The following FAM227B variants were observed in gnomAD, a reference collection of about 807,000 sequenced individuals.
The protein encoded by FAM227B is protein FAM227B.
In FAM227B, 88 loss-of-function variants were observed where a neutral mutation model predicts 73.8. The ratio of observed to expected loss-of-function variants is 1.19; its 90% CI spans 1.00 to 1.42. The LOEUF (loss-of-function observed/expected upper bound fraction) is 1.42, where lower values mean the gene tolerates loss of function less well. FAM227B is among the 40% of genes most tolerant of loss of function. The pLI is 0.00. For missense variants in FAM227B, 632 were observed against 590.9 expected (o/e 1.07, Z -0.72); for synonymous variants, 210 against 190.5 (o/e 1.10, Z -0.84).
At chr15:49,608,990 G>A (rs72731108) in intron 3 of FAM227B, among the ~76,000 whole-genome samples, 8,398 of 151,892 alleles carry the variant, frequency 0.055, 332 homozygotes, top group East Asian at 0.13. Context: ...ACAAAAAGGG[G>A]GAAGATAATG....
At chr15:49,430,715 T>C (rs565432541) in intron 11 of FAM227B, among the ~76,000 whole-genome samples, 2 of 151,858 alleles carry the variant, frequency 1.3e-5, no homozygotes, top group South Asian at 4.2e-4. Flanking sequence ...GCTGAAATCA[T>C]TTTTTCTAAC....
intron 11 of FAM227B, among the ~76,000 whole-genome samples, chr15:49,397,212 G>T (rs2047744549): frequency 6.6e-6 from 1 of 152,178 alleles, no homozygotes; most frequent in Non-Finnish European, 1.5e-5. Context: ...AGAAGCCTCA[G>T]GAGCCGACGC....
chr15:49,339,304 G>A (rs1387106185), intron 13 of FAM227B, among the ~76,000 whole-genome samples: 1 of 152,148 alleles, frequency 6.6e-6, no homozygotes, highest in Non-Finnish European at 1.5e-5. Context: ...GTGACCTTTG[G>A]ATGGGGTCTC....
At chr15:49,515,319 A>G (rs558914803) in intron 10 of FAM227B, among the ~76,000 whole-genome samples, 35 of 152,218 alleles carry the variant, frequency 2.3e-4, no homozygotes, top group Admixed American at 8.5e-4. Flanking sequence ...ATCCTCTTAG[A>G]GTTTTCAATG....
At chr15:49,502,367 C>G (rs553386346) in intron 11 of FAM227B, among the ~76,000 whole-genome samples, 2 of 152,328 alleles carry the variant, frequency 1.3e-5, no homozygotes, top group African/African-American at 4.8e-5. Flanking sequence ...TGAAGCTGCC[C>G]AAGGCCTTTG....
chr15:49,539,455 G>A (rs953312375), intron 10 of FAM227B, among the ~76,000 whole-genome samples: 4 of 152,220 alleles, frequency 2.6e-5, no homozygotes, highest in Non-Finnish European at 4.4e-5. Flanking sequence ...CATGGTGCCA[G>A]GATTTGGAGT....
At chr15:49,454,900 G>A (rs1018467284) in intron 11 of FAM227B, among the ~76,000 whole-genome samples, 4 of 152,004 alleles carry the variant, frequency 2.6e-5, no homozygotes, top group African/African-American at 9.7e-5. Context: ...TGAGCCACTG[G>A]ACCCAGCCAT....
At chr15:49,382,330 C>A (rs1414042263) in intron 11 of FAM227B, among the ~76,000 whole-genome samples, 3 of 151,906 alleles carry the variant, frequency 2.0e-5, no homozygotes, top group African/African-American at 7.3e-5. Flanking sequence ...TAGTTTCAAG[C>A]AAATATTAAT....
intron 11 of FAM227B, among the ~76,000 whole-genome samples, chr15:49,498,144 C>G (rs183113931): frequency 1.3e-5 from 2 of 152,210 alleles, no homozygotes; most frequent in Non-Finnish European, 2.9e-5. Context: ...TAATTTTAAG[C>G]CTTAATTTAA....
chr15:49,396,008 T>C (rs773715158), intron 11 of FAM227B: 6 of 455,588 alleles, frequency 1.3e-5, no homozygotes, highest in Admixed American at 7.1e-5. Flanking sequence ...GATGGCCAAA[T>C]AGGAACAGCT....
At chr15:49,358,487 A>G (rs2151378765) in intron 13 of FAM227B, among the ~76,000 whole-genome samples, 1 of 145,566 alleles carries the variant, frequency 6.9e-6, no homozygotes, top group South Asian at 2.3e-4. Flanking sequence ...CCCATTCACA[A>G]TTGCTTCAAA....
At chr15:49,585,015 C>G (rs1466570916) in intron 5 of FAM227B, among the ~76,000 whole-genome samples, 1 of 152,082 alleles carries the variant, frequency 6.6e-6, no homozygotes, top group African/African-American at 2.4e-5. Flanking sequence ...ACAACCCCAT[C>G]AAAAAGTGGG....
At chr15:49,378,330 T>C (rs2151507975) in intron 11 of FAM227B, among the ~76,000 whole-genome samples, 1 of 152,208 alleles carries the variant, frequency 6.6e-6, no homozygotes, top group East Asian at 1.9e-4. Flanking sequence ...TTTTTCTATT[T>C]CTGTAAAGAA....
At position 49,426,065 on chromosome 15, in the gene FAM227B, GGATAATAAAA is replaced by G. The variant is rs201690038; in HGVS notation, c.1013-54676_1013-54667del. Among the ~76,000 whole-genome samples, 429 of 151,338 alleles carry G rather than the reference GGATAATAAAA, an allele frequency of 2.8e-3. 7 individuals carry two copies. In the East Asian group the frequency reaches 0.032, roughly 11 times the overall value. ...TAATATATATCAATAATAATATCAT[GGATAATAAAA>G]CCTGGTGGAGACGACAGAGCCTAGG... On this transcript the variant is annotated intron_variant, in intron 11 of 15. Transcript: ENST00000299338.
At chr15:49,508,160 A>G in intron 11 of FAM227B, 51 bp downstream of exon 11, 2 of 1,550,510 alleles carry the variant, frequency 1.3e-6, no homozygotes, top group Non-Finnish European at 1.7e-6. Context: ...AAATAAATTA[A>G]TTGATTTTTG....
intron 11 of FAM227B, among the ~76,000 whole-genome samples, chr15:49,494,289 A>ACC (rs1567396316): frequency 6.9e-6 from 1 of 144,372 alleles, no homozygotes; most frequent in Non-Finnish European, 1.6e-5. Flanking sequence ...ACACACACAC[A>ACC]CCCTAAACAT....
intron 10 of FAM227B, among the ~76,000 whole-genome samples, chr15:49,508,599 G>C (rs961085023): frequency 3.3e-5 from 5 of 151,882 alleles, no homozygotes; most frequent in Non-Finnish European, 4.4e-5. Context: ...AAATGGGAAA[G>C]TATGACACAA....
chr15:49,570,738 C>T (rs1052491363), intron 8 of FAM227B, among the ~76,000 whole-genome samples: 4 of 150,392 alleles, frequency 2.7e-5, no homozygotes. Context: ...CTGTGACTGG[C>T]TTATTTCAGT....
At chr15:49,342,762 T>C (rs1375718493) in intron 13 of FAM227B, among the ~76,000 whole-genome samples, 1 of 152,138 alleles carries the variant, frequency 6.6e-6, no homozygotes, top group Non-Finnish European at 1.5e-5. Context: ...GTCTGGAAGA[T>C]TTTATTTCTC....
Sources: allele counts gnomAD v4.1 joint callset (sites outside exome capture counted in the v4.1 genomes callset), GRCh38; gene constraint gnomAD v4.1.1; transcripts MANE v1.5; gene names NCBI Gene and HGNC (gene_info 2026-07-23, HGNC 2026-07-21).